The following CHST9 variants were observed in gnomAD, a reference collection of about 807,000 sequenced individuals.
CHST9 encodes the protein carbohydrate sulfotransferase 9, also known as GalNAc-4-sulfotransferase 2.
A neutral mutation model predicts 44.4 loss-of-function variants in CHST9; 41 were observed. That is an observed-to-expected ratio of 0.92 (90% CI 0.72 to 1.20). The LOEUF is 1.20. Ranked by LOEUF, CHST9 falls within the 50% of genes most tolerant of loss-of-function variation. The pLI, the probability that CHST9 is intolerant of heterozygous loss-of-function variation, is 0.00. For synonymous variants in CHST9, 171 were observed against 178.4 expected (o/e 0.96, Z 0.33); for missense variants, 504 against 516.5 (o/e 0.98, Z 0.23).
chr18:26,918,174 C>T lies in CHST9; in HGVS notation c.241-824G>A, dbSNP rs940939351. Among the ~76,000 whole-genome samples, 13 of 152,028 alleles carry T rather than the reference C, an allele frequency of 8.6e-5. No individual in the cohort carries two copies. The East Asian group carries it at 1.9e-3, about 23-fold the overall frequency. On this transcript the variant is annotated intron_variant, in intron 5 of 5. Coordinates refer to ENST00000618847, the MANE Select transcript of CHST9 (RefSeq NM_031422.6). Reference sequence around the variant, plus strand: ...TCACAGTAAAAGAAGACATGGAAGACGGGATTTACAAGGTGGCATCCTCTG... The same window carrying T: ...TCACAGTAAAAGAAGACATGGAAGATGGGATTTACAAGGTGGCATCCTCTG...
Position 26,907,819 on chromosome 18 carries a change from T to C in CHST9, c.*8440A>G, listed in dbSNP as rs2145024571. The C allele has an allele frequency of 6.0e-6, 1 of 166,592 alleles. No individual in the cohort carries two copies. Among genetic ancestry groups the C allele is most frequent in the African/African-American group, 2.4e-5 (1 of 41,898 alleles). 10.3% of individuals were successfully genotyped at this position (166,592 alleles called of 1,614,324 possible). A position where few individuals can be genotyped will look rare whatever the true frequency, so the allele number is the denominator to read the frequency against. On this transcript the variant is annotated 3_prime_UTR_variant, in exon 6 of 6. Coordinates refer to ENST00000618847, the MANE Select transcript of CHST9 (RefSeq NM_031422.6). ...CCAGGCAATGAGAATGGAATACAAT[T>C]CAGCCTTGAAAAGAAAAAAATTCTG... is the stretch of plus-strand genomic sequence containing the variant.
At chr18:27,143,500 T>C (rs111332512) in intron 1 of CHST9, among the ~76,000 whole-genome samples, 11 of 152,266 alleles carry the variant, frequency 7.2e-5, no homozygotes, top group African/African-American at 2.2e-4. Context: ...ATTACAGAAA[T>C]CTACCTCAGT....
At chr18:27,182,551 G>GCAA (rs1384728384) in intron 1 of CHST9, among the ~76,000 whole-genome samples, 1 of 152,148 alleles carries the variant, frequency 6.6e-6, no homozygotes, top group Non-Finnish European at 1.5e-5. Flanking sequence ...TTCCTAATGT[G>GCAA]CTGGCTAGGC....
intron 2 of CHST9, among the ~76,000 whole-genome samples, chr18:27,088,451 G>A (rs1446307296): frequency 6.6e-6 from 1 of 150,504 alleles, no homozygotes; most frequent in Non-Finnish European, 1.5e-5. Context: ...CTGGAGTGCA[G>A]TGGCGCGATC....
chr18:27,068,404 G>A (rs1010761479), intron 2 of CHST9, among the ~76,000 whole-genome samples: 41 of 151,746 alleles, frequency 2.7e-4, no homozygotes, highest in African/African-American at 9.7e-4. Flanking sequence ...CTAGTTCTTG[G>A]GGTAAAAACT....
At chr18:26,934,071 G>A (rs2145093061) in intron 5 of CHST9, among the ~76,000 whole-genome samples, 1 of 152,256 alleles carries the variant, frequency 6.6e-6, no homozygotes, top group Admixed American at 6.5e-5. Context: ...GGCTGTTGTG[G>A]TTGCCCTGTG....
chr18:27,091,452 G>T (rs961599573), intron 2 of CHST9, among the ~76,000 whole-genome samples: 1 of 152,126 alleles, frequency 6.6e-6, no homozygotes, highest in Non-Finnish European at 1.5e-5. Context: ...CCTCTTGCCT[G>T]ATTGCCCTGG....
intron 2 of CHST9, among the ~76,000 whole-genome samples, chr18:27,120,853 T>G (rs571215941): frequency 6.6e-6 from 1 of 152,328 alleles, no homozygotes; most frequent in South Asian, 2.1e-4. Flanking sequence ...ACTCAGGGTT[T>G]TCCCAAAAAC....
chr18:27,065,667 C>T (rs1370137662), intron 2 of CHST9, among the ~76,000 whole-genome samples: 1 of 149,688 alleles, frequency 6.7e-6, no homozygotes, highest in East Asian at 2.0e-4. Flanking sequence ...AGAGAGGCCT[C>T]CTCTAGGTGA....
intron 4 of CHST9, among the ~76,000 whole-genome samples, chr18:26,949,664 G>A (rs1424348869): frequency 6.6e-6 from 1 of 152,290 alleles, no homozygotes; most frequent in Admixed American, 6.5e-5. Flanking sequence ...TTGAATAATG[G>A]CCCCCAACAT....
chr18:27,121,205 A>C (rs1281584168), intron 2 of CHST9, among the ~76,000 whole-genome samples: 1 of 152,000 alleles, frequency 6.6e-6, no homozygotes, highest in Non-Finnish European at 1.5e-5. Flanking sequence ...GGGTCTCACT[A>C]TGTTGCCCAG....
intron 2 of CHST9, among the ~76,000 whole-genome samples, chr18:27,081,559 A>G (rs187334773): frequency 9.2e-5 from 14 of 152,068 alleles, no homozygotes; most frequent in Non-Finnish European, 1.8e-4. Context: ...TAGATGATAT[A>G]TTTCTTGAGG....
chr18:27,134,284 A>G (rs892623348), intron 2 of CHST9, among the ~76,000 whole-genome samples: 1 of 152,184 alleles, frequency 6.6e-6, no homozygotes, highest in African/African-American at 2.4e-5. Context: ...TTAGTTTGAA[A>G]AAAAAGCAAG....
intron 2 of CHST9, among the ~76,000 whole-genome samples, chr18:27,055,513 T>A (rs1003744386): frequency 1.3e-5 from 2 of 152,182 alleles, no homozygotes; most frequent in Non-Finnish European, 2.9e-5. Flanking sequence ...ATAGTGCTAG[T>A]TGATTTGCAG....
intron 2 of CHST9, among the ~76,000 whole-genome samples, chr18:27,052,135 A>G (rs1348993503): frequency 6.6e-6 from 1 of 152,064 alleles, no homozygotes; most frequent in Non-Finnish European, 1.5e-5. Context: ...AGGGCTTTGT[A>G]AATTGTAGAG....
intron 2 of CHST9, among the ~76,000 whole-genome samples, 183 bp from the exon 3 acceptor site, chr18:27,048,686 A>G (rs1371495638): frequency 6.6e-6 from 1 of 152,168 alleles, no homozygotes; most frequent in East Asian, 1.9e-4. Context: ...CCAATTTATG[A>G]AAGTAAAAAA....
intron 5 of CHST9, among the ~76,000 whole-genome samples, chr18:26,931,749 T>C (rs2055881689): frequency 6.6e-6 from 1 of 152,202 alleles, no homozygotes; most frequent in Admixed American, 6.5e-5. Context: ...GAGCTTTGAA[T>C]GAGTATGGAC....
intron 2 of CHST9, among the ~76,000 whole-genome samples, chr18:27,076,018 TA>T (rs1421866984): frequency 1.1e-4 from 16 of 152,182 alleles, no homozygotes; most frequent in African/African-American, 3.4e-4. Flanking sequence ...CCTGCCATGG[TA>T]ACATAATTTA....
chr18:27,120,052 G>T (rs573591990), intron 2 of CHST9, among the ~76,000 whole-genome samples: 1 of 152,232 alleles, frequency 6.6e-6, no homozygotes, highest in South Asian at 2.1e-4. Context: ...GGGTAGAGGG[G>T]GAAAGGCCCC....
Sources: gnomAD v4.1 joint callset for allele counts (sites outside exome capture counted in the v4.1 genomes callset) on GRCh38, gnomAD v4.1.1 for gene constraint, MANE v1.5 for transcripts, NCBI Gene and HGNC (gene_info 2026-07-23, HGNC 2026-07-21) for gene names.